The following FIGN variants were observed in gnomAD, a reference collection of about 807,000 sequenced individuals.
FIGN encodes fidgetin, microtubule severing factor.
Under a neutral mutation model 51.3 loss-of-function variants are expected in FIGN, and 11 were observed. The ratio of observed to expected loss-of-function variants is 0.21; its 90% confidence interval spans 0.13 to 0.35. The LOEUF (loss-of-function observed/expected upper bound fraction) is 0.35. Among genes scored for constraint, FIGN ranks in the 10% least tolerant of loss-of-function variants. The pLI, the probability that FIGN is intolerant of heterozygous loss-of-function variation, is 1.00. For synonymous variants in FIGN, 407 were observed against 363.2 expected, an observed-to-expected ratio of 1.12 and a Z score of -1.37; for missense variants, 857 against 943.6, an observed-to-expected ratio of 0.91 and a Z score of 1.20.
At chr2:163,679,202 C>T (rs956783754) in intron 2 of FIGN, among the ~76,000 whole-genome samples, 36 of 151,880 alleles carry the variant, frequency 2.4e-4, no homozygotes, top group African/African-American at 8.4e-4. Flanking sequence ...TTAGAATGCA[C>T]ACTATTTGAG....
chr2:163,638,095 G>A lies in FIGN; in HGVS notation c.26-26289C>T, dbSNP rs192397082. ...AAGGGAAGGAAAAACTAGAGAGAGA[G>A]GATTTCCAATGACCCTGCACAGATG... On this transcript the variant is annotated intron_variant, in intron 2 of 2. Transcript: ENST00000333129. Among the ~76,000 whole-genome samples, 3 of 152,138 alleles carry A rather than the reference G, an allele frequency of 2.0e-5. No individual in the cohort carries two copies. The East Asian group carries it at 5.8e-4, about 30-fold the overall frequency.
chr2:163,632,148 C>CA (rs1683154921), intron 2 of FIGN, among the ~76,000 whole-genome samples: 1 of 151,572 alleles, frequency 6.6e-6, no homozygotes, highest in South Asian at 2.1e-4. Context: ...AACTCCATCT[C>CA]AAAAAATATA....
At chr2:163,724,138 C>CAA (rs1559033516) in intron 2 of FIGN, among the ~76,000 whole-genome samples, 13 of 152,224 alleles carry the variant, frequency 8.5e-5, no homozygotes, top group African/African-American at 3.1e-4. Flanking sequence ...AACTAAGGCT[C>CAA]AGTGAGGTTG....
In FIGN at chr2:163,610,985, T is replaced by C. The variant is rs1348548916; in HGVS notation, c.847A>G (p.Thr283Ala). 6.4e-7 allele frequency: 1 copy of C among 1,572,376 alleles called. No individual in the cohort carries two copies. Among genetic ancestry groups the C allele is most frequent in the Non-Finnish European group, 8.7e-7 (1 of 1,151,390 alleles). Residue 283 changes from threonine (T) to alanine (A), a missense_variant, in exon 3 of 3, where the codon ACC becomes GCC. Physicochemically the swap from Thr to Ala is moderately conservative, Grantham distance 58. This residue lies in a region of FIGN where 799 missense variants were observed against 849.5 expected (regional missense o/e 0.94). Coordinates refer to ENST00000333129, the MANE Select transcript of FIGN (RefSeq NM_018086.4). ...AYLPSGIPAP[T>A]PLPPTTVPGY... The stretch of plus-strand genomic sequence containing the variant: ...GGAACAGTGGTGGGGGGTAGGGGGG[T>C]GGGAGCAGGAATTCCTGAAGGCAGG...
chr2:163,694,061 C>T (rs1297941239), intron 2 of FIGN, among the ~76,000 whole-genome samples: 1 of 152,168 alleles, frequency 6.6e-6, no homozygotes, highest in Non-Finnish European at 1.5e-5. Flanking sequence ...GCCACCATCT[C>T]ATGCCTAGAC....
intron 2 of FIGN, among the ~76,000 whole-genome samples, chr2:163,633,556 A>T (rs6739037): frequency 0.57 from 86,003 of 152,018 alleles, 25,217 homozygotes; most frequent in Middle Eastern, 0.79. Context: ...TGCCTAGAGG[A>T]TTTCCAGGTT....
chr2:163,730,279 G>T (rs1489957801), intron 2 of FIGN, among the ~76,000 whole-genome samples: 1 of 152,078 alleles, frequency 6.6e-6, no homozygotes, highest in Admixed American at 6.6e-5. Context: ...AAAAAGATTA[G>T]TAATCAGCAA....
At chr2:163,634,254 G>A (rs1683192941) in intron 2 of FIGN, among the ~76,000 whole-genome samples, 1 of 151,992 alleles carries the variant, frequency 6.6e-6, no homozygotes, top group South Asian at 2.1e-4. Flanking sequence ...ATATAGCTAT[G>A]ACTTCTATTC....
chr2:163,656,672 A>C (rs1683563153), intron 2 of FIGN, among the ~76,000 whole-genome samples: 1 of 152,162 alleles, frequency 6.6e-6, no homozygotes, highest in African/African-American at 2.4e-5. Context: ...AAATGATTTA[A>C]ATTGCTTCTA....
chr2:163,629,103 G>A (rs1056011597), intron 2 of FIGN, among the ~76,000 whole-genome samples: 5 of 152,108 alleles, frequency 3.3e-5, no homozygotes, highest in African/African-American at 9.7e-5. Flanking sequence ...CTATGGTAAT[G>A]GAAGACAGAG....
chr2:163,667,875 T>A (rs1318138263), intron 2 of FIGN, among the ~76,000 whole-genome samples: 1 of 152,166 alleles, frequency 6.6e-6, no homozygotes, highest in Non-Finnish European at 1.5e-5. Flanking sequence ...CATCTCTGCA[T>A]CCCTAGCGCA....
intron 2 of FIGN, among the ~76,000 whole-genome samples, chr2:163,662,588 A>G (rs145380442): frequency 1.3e-5 from 2 of 152,318 alleles, no homozygotes; most frequent in East Asian, 3.9e-4. Flanking sequence ...CCAGAGGCTG[A>G]AGAGGAAGAG....
At chr2:163,672,301 G>C (rs1022261603) in intron 2 of FIGN, among the ~76,000 whole-genome samples, 4 of 151,300 alleles carry the variant, frequency 2.6e-5, no homozygotes, top group African/African-American at 9.7e-5. Flanking sequence ...AAGAATCCTT[G>C]ATTTCCTTGC....
At position 163,603,514 on chromosome 2, in the gene FIGN, CAAAT is replaced by C. The variant is rs1473617256; in HGVS notation, c.*6034_*6037del. The C allele has an allele frequency of 6.6e-6, 1 of 151,958 alleles. No individual in the cohort carries two copies. The highest frequency in any genetic ancestry group is 1.5e-5 in the Non-Finnish European group (1 of 67,952). 9.4% of individuals were successfully genotyped at this position (151,958 alleles called of 1,614,324 possible). Reference sequence around the variant, plus strand: ...GGCATTCCTCACCTAATACAGTAAACAAATAAAACAAAACAAAAACCCTCTCTTA... The same window carrying C: ...GGCATTCCTCACCTAATACAGTAAACAAAACAAAACAAAAACCCTCTCTTA... On this transcript the variant is annotated 3_prime_UTR_variant, in exon 3 of 3. Transcript: ENST00000333129.
rs1691124143 is a variant in FIGN, at chr2:163,606,954, A to C, written c.*2598T>G. 1.3e-5 allele frequency: 2 copies of C among 152,204 alleles called. No homozygotes were observed. Among genetic ancestry groups the C allele is most frequent in the Non-Finnish European group, 2.9e-5 (2 of 68,042 alleles). The allele number at this position is 152,204 out of a possible 1,614,324, so 9.4% of individuals were successfully genotyped here. The stretch of plus-strand genomic sequence containing the variant: ...GCTAAAAGCCAAGATGTATGACTTC[A>C]ATTTATTTTCAGTTTTATAAATGAG... On this transcript the variant is annotated 3_prime_UTR_variant, in exon 3 of 3. Transcript: ENST00000333129.
At chr2:163,612,503 A>G in intron 2 of FIGN, 2 of 985,220 alleles carry the variant, frequency 2.0e-6, no homozygotes, top group Non-Finnish European at 2.4e-6. Context: ...GCAGCGCTCC[A>G]TCGCTTTCAT....
At chr2:163,692,849 G>C (rs1394061009) in intron 2 of FIGN, among the ~76,000 whole-genome samples, 1 of 152,188 alleles carries the variant, frequency 6.6e-6, no homozygotes, top group African/African-American at 2.4e-5. Context: ...GAGAGTGAGG[G>C]AGACAAGAAG....
chr2:163,654,387 G>C (rs1461933656), intron 2 of FIGN, among the ~76,000 whole-genome samples: 3 of 152,108 alleles, frequency 2.0e-5, no homozygotes, highest in Non-Finnish European at 4.4e-5. Flanking sequence ...CACCAACTAA[G>C]TGCTTAAGAA....
intron 2 of FIGN, among the ~76,000 whole-genome samples, chr2:163,721,124 A>C (rs1047848754): frequency 6.6e-6 from 1 of 152,162 alleles, no homozygotes; most frequent in Non-Finnish European, 1.5e-5. Context: ...GAGAAGGATC[A>C]CCCAATTTTC....
Sources: gnomAD v4.1 joint callset for allele counts (sites outside exome capture counted in the v4.1 genomes callset) on GRCh38, gnomAD v4.1.1 for gene constraint, gnomAD v4.1.1 regional missense constraint, MANE v1.5 for transcripts, NCBI Gene and HGNC (gene_info 2026-07-23, HGNC 2026-07-21) for gene names.